MID1: variants seen among roughly 807,000 people sequenced by gnomAD.
MID1 encodes midline 1.
In MID1, 7 loss-of-function variants were observed where a neutral mutation model predicts 40.4. The ratio of observed to expected loss-of-function variants is 0.17; its 90% CI spans 0.10 to 0.33. MID1 has a LOEUF of 0.33. Among genes scored for constraint, MID1 ranks in the 10% least tolerant of loss-of-function variants. MID1 has a pLI of 1.00. For missense variants in MID1, 367 were observed against 558.5 expected (o/e 0.66, Z 3.46); for synonymous variants, 229 against 221.2 (o/e 1.04, Z -0.31).
intron 1 of MID1, among the ~76,000 whole-genome samples, chrX:10,791,279 T>A (rs1478364708): frequency 9.0e-6 from 1 of 111,520 alleles, no homozygotes; most frequent in Non-Finnish European, 1.9e-5. Flanking sequence ...AAGATGAGAA[T>A]GTAAAGAGAA....
chrX:10,601,451 GT>G (rs776192555), intron 1 of MID1, among the ~76,000 whole-genome samples: 2 of 112,440 alleles, frequency 1.8e-5, no homozygotes, highest in African/African-American at 6.5e-5. Context: ...TATAAATAAA[GT>G]TTTTTTGGAA....
chrX:10,656,765 TA>T (rs1177435255), intron 1 of MID1, among the ~76,000 whole-genome samples: 26 of 104,746 alleles, frequency 2.5e-4, no homozygotes, highest in Admixed American at 5.1e-4. Flanking sequence ...TGATTTTTTT[TA>T]AAAAAAAAAA....
chrX:10,728,419 T>C (rs1188768577), intron 1 of MID1, among the ~76,000 whole-genome samples: 1 of 112,031 alleles, frequency 8.9e-6, no homozygotes, highest in Admixed American at 9.5e-5. Context: ...TAATACGAAA[T>C]CAAATGTGTG....
chrX:10,742,100 A>T (rs1440266129), intron 1 of MID1, among the ~76,000 whole-genome samples: 1 of 110,872 alleles, frequency 9.0e-6, no homozygotes, highest in East Asian at 2.8e-4. Context: ...CCTTTGGCTC[A>T]ATGCCCTCAT....
chrX:10,574,794 T>C (rs180885832), intron 1 of MID1, among the ~76,000 whole-genome samples: 15 of 112,628 alleles, frequency 1.3e-4, no homozygotes, highest in Non-Finnish European at 2.1e-4. Flanking sequence ...AATTAGTGAG[T>C]CATTAGACCA....
intron 1 of MID1, among the ~76,000 whole-genome samples, chrX:10,647,780 T>G (rs1339637569): frequency 1.8e-5 from 2 of 111,404 alleles, no homozygotes; most frequent in Non-Finnish European, 3.8e-5. Flanking sequence ...GGGTGAAATC[T>G]CTGAGCGTCA....
intron 1 of MID1, among the ~76,000 whole-genome samples, chrX:10,761,863 T>G (rs1395997962): frequency 8.9e-6 from 1 of 112,128 alleles, no homozygotes. Context: ...TTTACAGCAT[T>G]GATTGGTAGT....
chrX:10,589,309 T>C (rs1194204046), intron 1 of MID1, among the ~76,000 whole-genome samples: 1 of 110,056 alleles, frequency 9.1e-6, no homozygotes, highest in Non-Finnish European at 1.9e-5. Context: ...GGCAAGTTCC[T>C]ACTCAAATGG....
Position 10,449,392 on chromosome X carries a change from C to G in MID1, c.1980G>C (p.Leu660Phe). 1 of 1,211,284 alleles carries G rather than the reference C, an allele frequency of 8.3e-7. No homozygotes were observed. Among genetic ancestry groups the G allele is most frequent in the Non-Finnish European group, 1.1e-6 (1 of 895,166 alleles). ...IITGLPIPDHLDCTEQLP is the reference protein window; with the variant it reads ...IITGLPIPDHFDCTEQLP ...CTCACGGCAGCTGCTCTGTGCAGTC[C>G]AAATGGTCTGGGATAGGGAGCCCAG... The change falls in exon 10 of 10, where the codon TTG becomes TTC. Residue 660 changes from leucine (L) to phenylalanine (F), a missense_variant. Physicochemically the swap from Leu to Phe is conservative, Grantham distance 22 (BLOSUM62 0). Around this residue, in one of 3 missense-constraint regions of MID1, gnomAD observed 275 missense variants for 383.1 expected, o/e 0.72. Transcript: ENST00000317552.
At chrX:10,501,022 C>A (rs1029110645) in intron 3 of MID1, among the ~76,000 whole-genome samples, 6 of 111,675 alleles carry the variant, frequency 5.4e-5, no homozygotes, top group African/African-American at 2.0e-4. Context: ...TAAAATTAGG[C>A]CTTCCTGGCC....
At chrX:10,634,383 A>T (rs934045441) in intron 1 of MID1, among the ~76,000 whole-genome samples, 1 of 111,843 alleles carries the variant, frequency 8.9e-6, no homozygotes, top group African/African-American at 3.3e-5. Flanking sequence ...TAAAGTTTTT[A>T]AAAAGCCCCT....
At chrX:10,601,647 T>C (rs1314743564) in intron 1 of MID1, among the ~76,000 whole-genome samples, 1 of 111,469 alleles carries the variant, frequency 9.0e-6, no homozygotes, top group East Asian at 2.8e-4. Flanking sequence ...CCCCTAATAG[T>C]GTGGGGCTGT....
At chrX:10,609,818 C>T (rs7887528) in intron 1 of MID1, among the ~76,000 whole-genome samples, 14,370 of 105,894 alleles carry the variant, frequency 0.14, 1,664 homozygotes, top group African/African-American at 0.37. Context: ...CGCGGGTTCA[C>T]GCCATTCTCC....
chrX:10,571,067 C>T (rs1286915035), intron 1 of MID1, among the ~76,000 whole-genome samples: 1 of 112,225 alleles, frequency 8.9e-6, no homozygotes, highest in African/African-American at 3.2e-5. Context: ...TTATGTGACT[C>T]GAGTGCTTAG....
chrX:10,754,595 A>G (rs915253259), intron 1 of MID1, among the ~76,000 whole-genome samples: 1 of 111,111 alleles, frequency 9.0e-6, no homozygotes, highest in East Asian at 2.8e-4. Context: ...ACAGAGAGAG[A>G]CTGAGATCAA....
intron 7 of MID1, chrX:10,469,350 C>G (rs1929562015): frequency 1.0e-6 from 1 of 954,153 alleles, no homozygotes; most frequent in African/African-American, 2.0e-5. Flanking sequence ...TTATTTTGAT[C>G]TTTAAGTTAT....
chrX:10,737,227 A>C (rs1362270827), intron 1 of MID1, among the ~76,000 whole-genome samples: 2 of 112,707 alleles, frequency 1.8e-5, no homozygotes, highest in Non-Finnish European at 3.7e-5. Context: ...AGCTCCAAGG[A>C]TGAGAGTGAT....
intron 1 of MID1, among the ~76,000 whole-genome samples, chrX:10,589,153 A>G (rs1330055548): frequency 8.9e-6 from 1 of 112,032 alleles, no homozygotes; most frequent in Non-Finnish European, 1.9e-5. Context: ...TAGAGTATCC[A>G]GAAATCTAAG....
intron 3 of MID1, among the ~76,000 whole-genome samples, chrX:10,509,404 T>C (rs1932002714): frequency 1.8e-5 from 2 of 111,990 alleles, no homozygotes; most frequent in South Asian, 3.8e-4. Flanking sequence ...ACTATCTAAC[T>C]ATTTTTTTCT....
Sources: allele counts gnomAD v4.1 joint callset (sites outside exome capture counted in the v4.1 genomes callset), GRCh38; gene constraint gnomAD v4.1.1; regional missense constraint gnomAD v4.1.1; transcripts MANE v1.5; gene names NCBI Gene and HGNC (gene_info 2026-07-23, HGNC 2026-07-21).